The following PDK1 variants were observed in gnomAD, a reference collection of about 807,000 sequenced individuals.
PDK1 encodes the protein pyruvate dehydrogenase kinase 1, also known as [Pyruvate dehydrogenase (acetyl-transferring)] kinase isozyme 1, mitochondrial.
Under a neutral mutation model 54.2 loss-of-function variants are expected in PDK1, and 39 were observed. The observed-to-expected ratio is 0.72, with a 90% confidence interval of 0.56 to 0.94. PDK1 has a LOEUF of 0.94. PDK1 is among the 40% of genes least tolerant of loss of function. PDK1 has a pLI of 0.00. For synonymous variants in PDK1, 221 were observed against 207.1 expected (o/e 1.07, Z -0.58); for missense variants, 552 against 566.0 (o/e 0.98, Z 0.25).
At chr2:172,660,247 C>CTCTT in the PDK1 span, among the ~76,000 whole-genome samples, 12 of 44,232 alleles carry the variant, frequency 2.7e-4, no homozygotes, top group African/African-American at 8.7e-4. Flanking sequence ...CTCTCTCTCT[C>CTCTT]TTTTTTTTTT....
chr2:172,695,490 G>A, the PDK1 span, among the ~76,000 whole-genome samples: 2 of 152,192 alleles, frequency 1.3e-5, no homozygotes, highest in African/African-American at 4.8e-5. Context: ...ACCTGTGGTG[G>A]ACAGACTCTA....
chr2:172,703,428 T>A, the PDK1 span, among the ~76,000 whole-genome samples: 1 of 152,168 alleles, frequency 6.6e-6, no homozygotes, highest in African/African-American at 2.4e-5. Context: ...ATCAAAGCCA[T>A]TTTTATATCA....
chr2:172,593,588 A>T (rs1360986367), intron 10 of PDK1, among the ~76,000 whole-genome samples: 1 of 152,044 alleles, frequency 6.6e-6, no homozygotes, highest in Non-Finnish European at 1.5e-5. Context: ...CAAAACATTC[A>T]TCTTAGTTTT....
chr2:172,682,948 T>G, the PDK1 span, among the ~76,000 whole-genome samples: 1 of 152,066 alleles, frequency 6.6e-6, no homozygotes, highest in Non-Finnish European at 1.5e-5. Context: ...CTGTTTGACT[T>G]TATGGTTTTT....
chr2:172,630,170 AT>A, the PDK1 span, among the ~76,000 whole-genome samples: 1 of 152,258 alleles, frequency 6.6e-6, no homozygotes, highest in African/African-American at 2.4e-5. Flanking sequence ...TATGGTTTTA[AT>A]TTGTATTTTG....
the PDK1 span, among the ~76,000 whole-genome samples, chr2:172,670,421 TAA>T: frequency 6.6e-6 from 1 of 152,212 alleles, no homozygotes; most frequent in Non-Finnish European, 1.5e-5. Context: ...GAGAAAATGT[TAA>T]GTTTGCTGTC....
At chr2:172,674,659 C>G in the PDK1 span, 3 of 152,396 alleles carry the variant, frequency 2.0e-5, no homozygotes, top group Non-Finnish European at 4.4e-5. Flanking sequence ...AAGATTTTCT[C>G]TCTTCCTAAG....
the PDK1 span, among the ~76,000 whole-genome samples, chr2:172,721,140 G>T: frequency 6.6e-6 from 1 of 152,192 alleles, no homozygotes; most frequent in Non-Finnish European, 1.5e-5. Context: ...TTCTGCCGAA[G>T]GTGAGACAGA....
the PDK1 span, among the ~76,000 whole-genome samples, chr2:172,635,606 G>A: frequency 5.3e-4 from 81 of 152,206 alleles, no homozygotes; most frequent in Middle Eastern, 6.8e-3. Context: ...GTGAGCCACC[G>A]CACCCTGTAT....
the PDK1 span, among the ~76,000 whole-genome samples, chr2:172,642,541 C>T: frequency 2.4e-4 from 37 of 152,184 alleles, no homozygotes; most frequent in Non-Finnish European, 4.3e-4. Context: ...ACAAACTCAG[C>T]GTGGGACCCA....
chr2:172,635,488 G>C, the PDK1 span, among the ~76,000 whole-genome samples: 1 of 152,072 alleles, frequency 6.6e-6, no homozygotes, highest in Non-Finnish European at 1.5e-5. Context: ...GCTAATTTTT[G>C]TATTTCTAAT....
the PDK1 span, among the ~76,000 whole-genome samples, chr2:172,656,407 T>G: frequency 6.6e-6 from 1 of 152,184 alleles, no homozygotes; most frequent in African/African-American, 2.4e-5. Context: ...TGAGCCCGTG[T>G]CCCTGGGCTG....
chr2:172,591,203 C>T (rs1450165722), intron 9 of PDK1, among the ~76,000 whole-genome samples: 2 of 151,972 alleles, frequency 1.3e-5, no homozygotes, highest in African/African-American at 2.4e-5. Flanking sequence ...ATACAGGGTC[C>T]GAAGGTGAGT....
At chr2:172,570,572 T>TAAA in intron 7 of PDK1, 154 bp from the exon 8 acceptor site, 1 of 431,480 alleles carries the variant, frequency 2.3e-6, no homozygotes, top group South Asian at 4.4e-5. Flanking sequence ...TTGACTCCAT[T>TAAA]AAAAAAAAAA....
chr2:172,664,328 A>AAAAAAAAAAAAAAAAAAAAAAAC, the PDK1 span, among the ~76,000 whole-genome samples: 1 of 150,568 alleles, frequency 6.6e-6, no homozygotes, highest in Non-Finnish European at 1.5e-5. Flanking sequence ...AAAAAAAAAA[A>AAAAAAAAAAAAAAAAAAAAAAAC]AAAAAAGCAT....
chr2:172,717,242 G>C, the PDK1 span, among the ~76,000 whole-genome samples: 10 of 152,308 alleles, frequency 6.6e-5, no homozygotes, highest in African/African-American at 2.4e-4. Flanking sequence ...AACTAAACCT[G>C]TGTGCATGTG....
the PDK1 span, among the ~76,000 whole-genome samples, chr2:172,684,191 C>T: frequency 4.6e-5 from 7 of 152,138 alleles, no homozygotes; most frequent in Non-Finnish European, 1.0e-4. Context: ...GAGGCCCAGG[C>T]AGGTGGATTG....
At chr2:172,626,303 CATT>C in the PDK1 span, among the ~76,000 whole-genome samples, 1 of 151,852 alleles carries the variant, frequency 6.6e-6, no homozygotes, top group Non-Finnish European at 1.5e-5. Context: ...GGTAGAGTGA[CATT>C]AGTAATAATG....
Position 172,566,902 on chromosome 2 carries a change from C to G in PDK1, c.738C>G (p.Asn246Lys), listed in dbSNP as rs761128447. ...ARRLCDLYYINSPELELEELN... is the reference protein window; with the variant it reads ...ARRLCDLYYIKSPELELEELN... The stretch of plus-strand genomic sequence containing the variant: ...GTCTGTGTGATTTGTATTATATTAA[C>G]TCTCCCGAACTAGAACTTGAAGAAC... The change falls in exon 6 of 11, where the codon AAC (asparagine) becomes AAG (lysine). Residue 246 changes from asparagine to lysine, a missense_variant. Physicochemically the swap from Asn to Lys is moderately conservative, Grantham distance 94. Coordinates refer to ENST00000282077, the MANE Select transcript of PDK1 (RefSeq NM_002610.5). 6 of 1,610,238 alleles carry G rather than the reference C, an allele frequency of 3.7e-6. No individual in the cohort carries two copies. The South Asian group carries it at 5.5e-5, about 15-fold the overall frequency.
Sources: gnomAD v4.1 joint callset for allele counts (sites outside exome capture counted in the v4.1 genomes callset) on GRCh38, gnomAD v4.1.1 for gene constraint, MANE v1.5 for transcripts, NCBI Gene and HGNC (gene_info 2026-07-23, HGNC 2026-07-21) for gene names.